RTN4RL1: variants seen among roughly 807,000 people sequenced by gnomAD.
The protein encoded by RTN4RL1 is reticulon 4 receptor like 1, also known as reticulon-4 receptor-like 1.
Under a neutral mutation model 25.6 loss-of-function variants are expected in RTN4RL1, and 7 were observed. The ratio of observed to expected loss-of-function variants is 0.27; its 90% CI spans 0.16 to 0.51. RTN4RL1 has a LOEUF of 0.51. RTN4RL1 is among the 20% of genes least tolerant of loss of function. The probability of loss-of-function intolerance (pLI) is 0.97; values close to 1 mark genes in which losing one functional copy is unlikely to be tolerated. For missense variants in RTN4RL1, 500 were observed against 615.6 expected (o/e 0.81, Z 1.99); for synonymous variants, 297 against 288.2 (o/e 1.03, Z -0.31).
Position 1,994,043 on chromosome 17 carries a change from AC to A in RTN4RL1, c.13+30809del, listed in dbSNP as rs2066919943. The stretch of plus-strand genomic sequence containing the variant: ...AGAAAAACAAAGCCCCCCAGTCCCC[AC>A]CCCCGGCTACGCTGAACCACCCCGT... On this transcript the variant is annotated intron_variant, in intron 1 of 1. Transcript: ENST00000331238. This position sits in a 1 kb window ranked among gnomAD's most constrained non-coding sequence, Gnocchi z 4.3. Among the ~76,000 whole-genome samples the A allele has an allele frequency of 6.6e-6, 1 of 151,024 alleles. No individual in the cohort carries two copies. The highest frequency in any genetic ancestry group is 6.6e-5 in the Admixed American group (1 of 15,114).
At chr17:1,941,086 T>G (rs1915429099) in intron 1 of RTN4RL1, among the ~76,000 whole-genome samples, 1 of 152,178 alleles carries the variant, frequency 6.6e-6, no homozygotes, top group South Asian at 2.1e-4. Context: ...CCCCTGAGCC[T>G]CAGGACTACC....
At chr17:1,984,348 T>C (rs4622541) in intron 1 of RTN4RL1, among the ~76,000 whole-genome samples, 145,834 of 152,260 alleles carry the variant, frequency 0.96, 69,963 homozygotes, top group African/African-American at 0.99. Context: ...GGCTGAGTTC[T>C]ATCCCAGCCG....
intron 1 of RTN4RL1, among the ~76,000 whole-genome samples, chr17:1,980,984 C>G (rs2066865010): frequency 6.7e-6 from 1 of 149,166 alleles, no homozygotes; most frequent in Non-Finnish European, 1.5e-5. Flanking sequence ...CAAAACTGGC[C>G]CCTGTCCCTG....
At chr17:2,000,193 G>A (rs549607438) in intron 1 of RTN4RL1, among the ~76,000 whole-genome samples, 190 of 152,348 alleles carry the variant, frequency 1.2e-3, no homozygotes, top group African/African-American at 4.2e-3. Context: ...TACCCAGCCC[G>A]GCCAGGCCTT....
At chr17:1,961,179 T>C (rs1915886707) in intron 1 of RTN4RL1, among the ~76,000 whole-genome samples, 1 of 152,092 alleles carries the variant, frequency 6.6e-6, no homozygotes, top group Middle Eastern at 3.2e-3. Flanking sequence ...GATGAAGCCA[T>C]CTACAAAGAT....
At chr17:2,013,106 T>G (rs2067070624) in intron 1 of RTN4RL1, among the ~76,000 whole-genome samples, 1 of 152,188 alleles carries the variant, frequency 6.6e-6, no homozygotes, top group Admixed American at 6.6e-5. Flanking sequence ...CTATGTTCTA[T>G]TTTGTGCAGG....
rs1359687529 is a variant in RTN4RL1 at position 1,937,415 on chromosome 17, C to T, written c.407G>A (p.Gly136Glu). ...GACGCCGGCCGGCAAGGCGCTGAGC[C>T]CACACTTGTAGAGGTAGAGGGCGTG... ...KLHALYLYKCGLSALPAGVFG... is the reference protein window; with the variant it reads ...KLHALYLYKCELSALPAGVFG... Residue 136 changes from glycine (G) to glutamate (E), a missense_variant, in exon 2 of 2, where the codon GGG becomes GAG. By Grantham distance (98) the Gly-to-Glu change is moderately conservative. This residue lies in a region of RTN4RL1 where 232 missense variants were observed against 341.1 expected (regional missense o/e 0.68). Transcript: ENST00000331238. 6.2e-7 allele frequency: 1 copy of T among 1,613,770 alleles called. No individual in the cohort carries two copies. The highest frequency in any genetic ancestry group is 1.1e-5 in the South Asian group (1 of 91,076).
At chr17:2,014,445 A>G (rs924679597) in intron 1 of RTN4RL1, among the ~76,000 whole-genome samples, 6 of 152,220 alleles carry the variant, frequency 3.9e-5, no homozygotes, top group African/African-American at 7.2e-5. Flanking sequence ...GAAGATGTGT[A>G]TAAGTTGAGA....
At chr17:1,988,178 G>A (rs2066894735) in intron 1 of RTN4RL1, among the ~76,000 whole-genome samples, 1 of 152,044 alleles carries the variant, frequency 6.6e-6, no homozygotes, top group African/African-American at 2.4e-5. Context: ...CAGCACTTTG[G>A]GAGGCTGAGG....
chr17:1,948,021 C>T (rs540289753), intron 1 of RTN4RL1, among the ~76,000 whole-genome samples: 2 of 152,338 alleles, frequency 1.3e-5, no homozygotes, highest in Admixed American at 6.5e-5. Context: ...CCCACTCCTG[C>T]TTAGGGCTCT....
At chr17:2,005,770 TC>T (rs1770993519) in intron 1 of RTN4RL1, among the ~76,000 whole-genome samples, 6 of 140,806 alleles carry the variant, frequency 4.3e-5, no homozygotes, top group Non-Finnish European at 7.9e-5. Flanking sequence ...TCTCTCCTTC[TC>T]TTTCTTTTTT....
chr17:1,986,656 G>A (rs1407946822), intron 1 of RTN4RL1, among the ~76,000 whole-genome samples: 1 of 151,870 alleles, frequency 6.6e-6, no homozygotes, highest in Non-Finnish European at 1.5e-5. Flanking sequence ...GCACAGTCCT[G>A]CCAACACCTT....
At chr17:2,001,928 G>GGGGGAGGGGGGGGGA (rs1555520653) in intron 1 of RTN4RL1, among the ~76,000 whole-genome samples, 3 of 20,606 alleles carry the variant, frequency 1.5e-4, no homozygotes, top group Non-Finnish European at 3.2e-4. Flanking sequence ...CTTCAGCCCT[G>GGGGGAGGGGGGGGGA]GGGGAGGGGA....
intron 1 of RTN4RL1, among the ~76,000 whole-genome samples, chr17:1,993,734 C>G (rs902887608): frequency 6.6e-6 from 1 of 151,534 alleles, no homozygotes; most frequent in Non-Finnish European, 1.5e-5. Flanking sequence ...GGAACTTCCT[C>G]GTGAGAAAAC....
At chr17:1,971,428 G>A (rs539661978) in intron 1 of RTN4RL1, among the ~76,000 whole-genome samples, 6 of 152,246 alleles carry the variant, frequency 3.9e-5, no homozygotes, top group South Asian at 2.1e-4. Flanking sequence ...GGAGTAATAC[G>A]CTACTATTTG....
intron 1 of RTN4RL1, chr17:2,001,456 C>T (rs929544691): frequency 6.6e-6 from 1 of 151,716 alleles, no homozygotes; most frequent in Non-Finnish European, 1.5e-5. Flanking sequence ...CCATGTTAGC[C>T]AGGATGGTCT....
intron 1 of RTN4RL1, among the ~76,000 whole-genome samples, chr17:1,963,971 C>T (rs2066777553): frequency 6.6e-6 from 1 of 152,132 alleles, no homozygotes; most frequent in South Asian, 2.1e-4. Context: ...AGGTGATCCA[C>T]CTGCCTCGGC....
At chr17:1,970,546 G>A (rs954679429) in intron 1 of RTN4RL1, among the ~76,000 whole-genome samples, 1 of 152,192 alleles carries the variant, frequency 6.6e-6, no homozygotes, top group Non-Finnish European at 1.5e-5. Flanking sequence ...CGTGGGACAG[G>A]CGTGGCAGGA....
At chr17:1,953,642 G>C (rs1369873916) in intron 1 of RTN4RL1, among the ~76,000 whole-genome samples, 1 of 152,008 alleles carries the variant, frequency 6.6e-6, no homozygotes, top group Non-Finnish European at 1.5e-5. Flanking sequence ...TCGGCTCACT[G>C]CAACCTCTAC....
Sources: gnomAD v4.1 joint callset for allele counts (sites outside exome capture counted in the v4.1 genomes callset) on GRCh38, gnomAD v4.1.1 for gene constraint, gnomAD v4.1.1 regional missense constraint, Gnocchi (gnomAD v3.1) non-coding constraint, MANE v1.5 for transcripts, NCBI Gene and HGNC (gene_info 2026-07-23, HGNC 2026-07-21) for gene names.